DOCK9: variants seen among roughly 807,000 people sequenced by gnomAD.
The protein encoded by DOCK9 is dedicator of cytokinesis 9.
DOCK9 carries 89 observed loss-of-function variants against 263.3 expected under a neutral mutation model. The observed-to-expected ratio is 0.34, with a 90% confidence interval of 0.28 to 0.40. The LOEUF (loss-of-function observed/expected upper bound fraction) is 0.40, where lower values mean the gene tolerates loss of function less well. Among genes scored for constraint, DOCK9 ranks in the 10% least tolerant of loss-of-function variants. DOCK9 has a pLI of 1.00. For missense variants in DOCK9, 2,140 were observed against 2,603.4 expected, an observed-to-expected ratio of 0.82 and a Z score of 3.87; for synonymous variants, 976 against 973.1, an observed-to-expected ratio of 1.00 and a Z score of -0.06.
intron 1 of DOCK9, among the ~76,000 whole-genome samples, chr13:99,045,048 G>A (rs2142156733): frequency 6.6e-6 from 1 of 152,328 alleles, no homozygotes; most frequent in South Asian, 2.1e-4. Flanking sequence ...ATCCCTGCAT[G>A]CTGTTTGTGG....
chr13:99,053,814 A>C (rs2040807120), intron 1 of DOCK9, among the ~76,000 whole-genome samples: 1 of 152,178 alleles, frequency 6.6e-6, no homozygotes. Flanking sequence ...GGTTATTACA[A>C]GAGGAGCGAA....
intron 2 of DOCK9, among the ~76,000 whole-genome samples, chr13:98,932,463 T>C (rs1311357803): frequency 6.6e-6 from 1 of 152,126 alleles, no homozygotes; most frequent in African/African-American, 2.4e-5. Context: ...TAAAGCAGCA[T>C]ACAAGCAAAC....
At chr13:98,828,068 G>C (rs543379972) in intron 43 of DOCK9, among the ~76,000 whole-genome samples, 1 of 152,140 alleles carries the variant, frequency 6.6e-6, no homozygotes, top group Non-Finnish European at 1.5e-5. Context: ...ATGCGACCAC[G>C]GAGGCAGGAA....
chr13:98,924,014 T>C (rs1270718733), intron 4 of DOCK9, among the ~76,000 whole-genome samples: 1 of 152,188 alleles, frequency 6.6e-6, no homozygotes, highest in Admixed American at 6.5e-5. Context: ...TTCTCATTAA[T>C]GCCAAGAGAG....
rs567866275 is a variant in DOCK9 at position 99,027,501 on chromosome 13, A to G, written c.129+58722T>C. Among the ~76,000 whole-genome samples the G allele has an allele frequency of 2.6e-5, 4 of 152,308 alleles. No homozygotes were observed. In the South Asian group the frequency reaches 6.2e-4, roughly 24 times the overall value. ...TGGAGTGCTACCGAGAAATCAACGC[A>G]TTAAACCACCAGAGGCTGGGGATAA... On this transcript the variant is annotated intron_variant, in intron 1 of 32. Transcript: ENST00000427887.
At chr13:99,014,017 C>T (rs1424991209) in intron 1 of DOCK9, among the ~76,000 whole-genome samples, 3 of 152,196 alleles carry the variant, frequency 2.0e-5, no homozygotes, top group Non-Finnish European at 2.9e-5. Flanking sequence ...AAAGAGCAGC[C>T]GACAGGATGC....
chr13:99,048,555 C>T (rs963623141), intron 1 of DOCK9, among the ~76,000 whole-genome samples: 1 of 152,220 alleles, frequency 6.6e-6, no homozygotes, highest in African/African-American at 2.4e-5. Context: ...TCCTCGGAGG[C>T]AATTCCCTTC....
intron 1 of DOCK9, among the ~76,000 whole-genome samples, chr13:98,970,605 C>A (rs889741974): frequency 4.6e-5 from 7 of 152,176 alleles, no homozygotes; most frequent in African/African-American, 1.7e-4. Context: ...CCCCGGGAAC[C>A]TGGCAGAGCC....
chr13:98,963,751 C>T lies in DOCK9; in HGVS notation c.127-8200G>A, dbSNP rs186065001. Among the ~76,000 whole-genome samples, 77 of 152,304 alleles carry T rather than the reference C, an allele frequency of 5.1e-4. No individual in the cohort carries two copies. The East Asian group carries it at 0.013, about 25-fold the overall frequency. On this transcript the variant is annotated intron_variant, in intron 1 of 52. Coordinates refer to ENST00000682017, the MANE Select transcript of DOCK9 (RefSeq NM_001366683.2). ...AGATAAAGTTGGTCCACTTTCAAAG[C>T]GCTTCTCAATGTTGCCAACAGGACA...
Position 98,919,891 on chromosome 13 carries a change from A to T in DOCK9, c.717+1063T>A, listed in dbSNP as rs2051608718. Among the ~76,000 whole-genome samples the T allele has an allele frequency of 2.0e-5, 3 of 152,224 alleles. No homozygotes were observed. The South Asian group carries it at 6.2e-4, about 31-fold the overall frequency. ...CTTAACTCTATTTTCTCTCACCCTTATCCCAATCCCCTGTTCATCTTTCTG... is the reference window on the plus strand; with the variant it reads ...CTTAACTCTATTTTCTCTCACCCTTTTCCCAATCCCCTGTTCATCTTTCTG... On this transcript the variant is annotated intron_variant, in intron 7 of 52. Transcript: ENST00000682017.
chr13:99,041,821 G>A (rs1595967559), intron 1 of DOCK9, among the ~76,000 whole-genome samples: 1 of 152,234 alleles, frequency 6.6e-6, no homozygotes, highest in African/African-American at 2.4e-5. Context: ...AGACACAGAC[G>A]CAGAGAAGGC....
intron 9 of DOCK9, among the ~76,000 whole-genome samples, chr13:98,908,795 T>C (rs1382250028): frequency 6.6e-6 from 1 of 152,244 alleles, no homozygotes; most frequent in Non-Finnish European, 1.5e-5. Flanking sequence ...AAGGTGAACT[T>C]TTCTTTAAAC....
intron 1 of DOCK9, among the ~76,000 whole-genome samples, chr13:98,969,996 T>C (rs1019252090): frequency 6.6e-6 from 1 of 152,152 alleles, no homozygotes; most frequent in African/African-American, 2.4e-5. Context: ...GGCTGTGTTG[T>C]TTTGTGTTTT....
chr13:99,074,348 G>C (rs780226657), intron 1 of DOCK9, among the ~76,000 whole-genome samples: 1 of 152,166 alleles, frequency 6.6e-6, no homozygotes, highest in Non-Finnish European at 1.5e-5. Flanking sequence ...ACTTTGTAAG[G>C]GTCCAATGGT....
chr13:98,845,072 G>C (rs1480254013), intron 38 of DOCK9, among the ~76,000 whole-genome samples: 1 of 152,196 alleles, frequency 6.6e-6, no homozygotes, highest in Non-Finnish European at 1.5e-5. Context: ...GTGCTGTATG[G>C]TTGATATCTT....
chr13:98,826,885 T>C lies in DOCK9; in HGVS notation c.4968A>G (p.Ala1656=), dbSNP rs17709314. ...IHVKNGDLSE[A]AMCYVHVTAL... ...CTGTTACGTGGACATAGCACATTGCTGCCTATAATAGAAGACACATGCCTC... is the reference window on the plus strand; with the variant it reads ...CTGTTACGTGGACATAGCACATTGCCGCCTATAATAGAAGACACATGCCTC... Residue 1656 remains alanine (A), a splice_region_variant and synonymous_variant, in exon 44 of 53, where the codon GCA becomes GCG. Transcript: ENST00000682017. 165,307 of 1,605,618 alleles carry C rather than the reference T, an allele frequency of 0.1. 9,619 individuals carry two copies. The highest frequency in any genetic ancestry group is 0.12 in the Non-Finnish European group (139,441 of 1,174,254).
At chr13:99,063,218 C>G (rs560304009) in intron 1 of DOCK9, among the ~76,000 whole-genome samples, 1 of 152,208 alleles carries the variant, frequency 6.6e-6, no homozygotes, top group African/African-American at 2.4e-5. Context: ...GACAAACGAA[C>G]GATGAAAAGC....
chr13:98,843,368 A>C (rs1279779278), intron 38 of DOCK9, among the ~76,000 whole-genome samples: 1 of 152,156 alleles, frequency 6.6e-6, no homozygotes, highest in Non-Finnish European at 1.5e-5. Flanking sequence ...ATATATATAA[A>C]ACACACACAC....
At chr13:98,880,029 A>C (rs1275236453) in intron 26 of DOCK9, 60 bp from the exon 27 acceptor site, 2 of 1,296,934 alleles carry the variant, frequency 1.5e-6, no homozygotes, top group African/African-American at 3.0e-5. Flanking sequence ...TAAGACATGA[A>C]CTCTCTCAGG....
Sources: gnomAD v4.1 joint callset for allele counts (sites outside exome capture counted in the v4.1 genomes callset) on GRCh38, gnomAD v4.1.1 for gene constraint, MANE v1.5 for transcripts, NCBI Gene and HGNC (gene_info 2026-07-23, HGNC 2026-07-21) for gene names.